Variants in RGS7 observed in about 807,000 individuals in gnomAD.
RGS7 encodes regulator of G-protein signaling 7.
Under a neutral mutation model 81.1 loss-of-function variants are expected in RGS7, and 27 were observed. The observed-to-expected ratio is 0.33, with a 90% confidence interval of 0.25 to 0.46. The LOEUF is 0.46. Among genes scored for constraint, RGS7 ranks in the 20% least tolerant of loss-of-function variants. The pLI, the probability that RGS7 is intolerant of heterozygous loss-of-function variation, is 1.00. For synonymous variants in RGS7, 208 were observed against 207.7 expected, an observed-to-expected ratio of 1.00 and a Z score of -0.01; for missense variants, 396 against 607.4, an observed-to-expected ratio of 0.65 and a Z score of 3.66.
chr1:240,974,828 T>A (rs143001108), intron 4 of RGS7, among the ~76,000 whole-genome samples: 2 of 152,222 alleles, frequency 1.3e-5, no homozygotes, highest in East Asian at 3.9e-4. Context: ...AAAAATACAA[T>A]TAAGATTCTG....
At chr1:240,967,079 G>T (rs780535996) in intron 4 of RGS7, among the ~76,000 whole-genome samples, 10 of 152,202 alleles carry the variant, frequency 6.6e-5, no homozygotes, top group Admixed American at 2.0e-4. Flanking sequence ...TGATGTGTCA[G>T]TGTGGGACAG....
At chr1:241,270,823 A>G (rs4660055) in intron 2 of RGS7, among the ~76,000 whole-genome samples, 15,451 of 145,784 alleles carry the variant, frequency 0.11, 1,069 homozygotes, top group East Asian at 0.32. Context: ...AGTTGGCGCC[A>G]TCTTGGTTCA....
At chr1:240,793,409 T>C (rs1175866329) in intron 18 of RGS7, among the ~76,000 whole-genome samples, 1 of 151,778 alleles carries the variant, frequency 6.6e-6, no homozygotes, top group Non-Finnish European at 1.5e-5. Context: ...ATAAGATGGA[T>C]AGCCATATCT....
At position 241,047,323 on chromosome 1, in the gene RGS7, C is replaced by G. The variant is rs139965688; in HGVS notation, c.175+51343G>C. On this transcript the variant is annotated intron_variant, in intron 3 of 18. Transcript: ENST00000440928. ...TTGCTGAAGTTTTCCTGGAGCTGTG[C>G]ACAAATCTAAAATACTTGATCCAAC... Among the ~76,000 whole-genome samples the G allele has an allele frequency of 3.9e-4, 60 of 152,246 alleles. 1 individual carries two copies. The Middle Eastern group carries it at 0.01, about 26-fold the overall frequency.
intron 9 of RGS7, among the ~76,000 whole-genome samples, chr1:240,866,510 C>CA (rs35934752): frequency 0.14 from 14,588 of 107,270 alleles, 943 homozygotes; most frequent in African/African-American, 0.22. Flanking sequence ...GACTCCGTCT[C>CA]AAAAAAAAAA....
chr1:240,901,089 G>A (rs188655098), intron 6 of RGS7, among the ~76,000 whole-genome samples: 11 of 152,296 alleles, frequency 7.2e-5, no homozygotes, highest in East Asian at 1.9e-4. Context: ...GGGACCCTCC[G>A]AGCCAGGCAT....
chr1:241,152,608 C>T (rs2068836145), intron 2 of RGS7, among the ~76,000 whole-genome samples: 1 of 152,216 alleles, frequency 6.6e-6, no homozygotes, highest in Non-Finnish European at 1.5e-5. Flanking sequence ...ACTTCTGGCT[C>T]TCTATGATGT....
At chr1:241,308,809 T>C (rs1307651726) in intron 2 of RGS7, among the ~76,000 whole-genome samples, 2 of 152,066 alleles carry the variant, frequency 1.3e-5, no homozygotes, top group Non-Finnish European at 2.9e-5. Context: ...GAAAGGAGGA[T>C]TCATTAATAG....
intron 2 of RGS7, among the ~76,000 whole-genome samples, chr1:241,133,103 G>T (rs1483337026): frequency 1.3e-5 from 2 of 152,218 alleles, no homozygotes; most frequent in East Asian, 1.9e-4. Flanking sequence ...TACAGAAAAA[G>T]TTGTGAAAAA....
chr1:241,028,231 G>A (rs917746255), intron 3 of RGS7, among the ~76,000 whole-genome samples: 1 of 152,300 alleles, frequency 6.6e-6, no homozygotes, highest in East Asian at 1.9e-4. Flanking sequence ...GTTCTCAAGA[G>A]GATGCCGATG....
chr1:240,851,646 A>T (rs1558352828), intron 9 of RGS7, among the ~76,000 whole-genome samples: 1 of 152,230 alleles, frequency 6.6e-6, no homozygotes, highest in Non-Finnish European at 1.5e-5. Flanking sequence ...CTTTCTGCAA[A>T]GGGGTCATCA....
intron 2 of RGS7, among the ~76,000 whole-genome samples, chr1:241,292,919 T>G (rs1222868055): frequency 2.0e-5 from 3 of 152,240 alleles, no homozygotes; most frequent in African/African-American, 7.2e-5. Context: ...TACAATGCAT[T>G]CATATATTTT....
intron 3 of RGS7, among the ~76,000 whole-genome samples, chr1:241,075,393 C>A (rs2062729917): frequency 6.6e-6 from 1 of 152,128 alleles, no homozygotes. Context: ...TTAACCCTAA[C>A]CCTAACCCCC....
Position 240,872,974 on chromosome 1 carries a change from G to A in RGS7, c.386-2855C>T, listed in dbSNP as rs184867287. On this transcript the variant is annotated intron_variant, in intron 6 of 18. Coordinates refer to ENST00000440928, the MANE Select transcript of RGS7 (RefSeq NM_001364886.1). ...GGCGCCTGTAGTCCCAGCTACTGGG[G>A]AAGCTGAGTCAGGAGAATCACATGA... 5.3e-3 allele frequency among the ~76,000 whole-genome samples: 814 copies of A among 152,230 alleles called. 1 individual carries two copies. The highest frequency in any genetic ancestry group is 0.01 in the Middle Eastern group (3 of 294).
chr1:240,823,308 T>C (rs940026339), intron 10 of RGS7: 2 of 590,320 alleles, frequency 3.4e-6, no homozygotes, highest in Non-Finnish European at 6.3e-6. Flanking sequence ...TGCCAATGGA[T>C]ACATCAACTG....
intron 2 of RGS7, among the ~76,000 whole-genome samples, chr1:241,264,950 C>T (rs2077509255): frequency 6.6e-6 from 1 of 152,240 alleles, no homozygotes; most frequent in African/African-American, 2.4e-5. Flanking sequence ...ATGGGGCTCC[C>T]ATAGATCCTG....
intron 6 of RGS7, among the ~76,000 whole-genome samples, chr1:240,873,969 C>T (rs2148047451): frequency 6.6e-6 from 1 of 152,080 alleles, no homozygotes; most frequent in African/African-American, 2.4e-5. Context: ...CCTTCTCATG[C>T]TTGAGTAATT....
intron 2 of RGS7, among the ~76,000 whole-genome samples, chr1:241,331,356 G>A (rs2081970101): frequency 6.6e-6 from 1 of 152,022 alleles, no homozygotes; most frequent in African/African-American, 2.4e-5. Context: ...AAAAAATCTA[G>A]GTTTGAATCC....
At chr1:240,949,368 C>T (rs577105324) in intron 4 of RGS7, among the ~76,000 whole-genome samples, 2 of 152,282 alleles carry the variant, frequency 1.3e-5, no homozygotes, top group African/African-American at 4.8e-5. Context: ...CATCCATCCA[C>T]CCATCTGCTA....
Sources: gnomAD v4.1 joint callset for allele counts (sites outside exome capture counted in the v4.1 genomes callset) on GRCh38, gnomAD v4.1.1 for gene constraint, MANE v1.5 for transcripts, NCBI Gene and HGNC (gene_info 2026-07-23, HGNC 2026-07-21) for gene names.